Variants in MPP7 observed in about 807,000 individuals in gnomAD.
The protein encoded by MPP7 is MAGUK p55 scaffold protein 7.
Under a neutral mutation model 76.5 loss-of-function variants are expected in MPP7, and 60 were observed. The observed-to-expected ratio is 0.78, with a 90% CI of 0.64 to 0.97. The LOEUF (loss-of-function observed/expected upper bound fraction) is 0.97. Among genes scored for constraint, MPP7 ranks in the 50% least tolerant of loss-of-function variants. The pLI, the probability that MPP7 is intolerant of heterozygous loss-of-function variation, is 0.00. For synonymous variants in MPP7, 237 were observed against 244.5 expected (o/e 0.97, Z 0.29); for missense variants, 641 against 694.0 (o/e 0.92, Z 0.86).
At chr10:28,069,632 C>A in intron 13 of MPP7, 140 bp downstream of exon 13, 4 of 481,498 alleles carry the variant, frequency 8.3e-6, no homozygotes, top group African/African-American at 2.1e-5. Context: ...AAAAAAAACT[C>A]ACATGCCCCA....
At chr10:28,191,634 C>T (rs1837412923) in intron 3 of MPP7, among the ~76,000 whole-genome samples, 2 of 152,272 alleles carry the variant, frequency 1.3e-5, no homozygotes, top group African/African-American at 4.8e-5. Flanking sequence ...TCCCAAAATT[C>T]AAAACAATCT....
chr10:28,088,789 A>C (rs766965239), intron 12 of MPP7, among the ~76,000 whole-genome samples: 3 of 152,242 alleles, frequency 2.0e-5, no homozygotes, highest in Non-Finnish European at 4.4e-5. Flanking sequence ...GGCTACTCAC[A>C]TCTGTGAAGG....
chr10:28,196,605 AG>A (rs1837591319), intron 3 of MPP7, among the ~76,000 whole-genome samples: 1 of 152,198 alleles, frequency 6.6e-6, no homozygotes, highest in Non-Finnish European at 1.5e-5. Context: ...AAAATATATA[AG>A]AACTGGTACC....
chr10:28,145,378 T>A (rs911255915), intron 5 of MPP7, among the ~76,000 whole-genome samples: 2 of 152,210 alleles, frequency 1.3e-5, no homozygotes, highest in African/African-American at 4.8e-5. Context: ...AGAGTTACAT[T>A]TTTCATATTT....
chr10:28,162,748 G>T (rs2133828580), intron 3 of MPP7, among the ~76,000 whole-genome samples: 1 of 152,276 alleles, frequency 6.6e-6, no homozygotes, highest in Non-Finnish European at 1.5e-5. Flanking sequence ...CTAATGAATT[G>T]AAATATTCAG....
At chr10:28,260,504 T>A (rs919381191) in intron 1 of MPP7, among the ~76,000 whole-genome samples, 1 of 152,106 alleles carries the variant, frequency 6.6e-6, no homozygotes, top group Admixed American at 6.6e-5. Context: ...CCAGGCATGG[T>A]GGCTCATGCC....
At chr10:28,302,613 G>A (rs1841187052) in intron 1 of MPP7, among the ~76,000 whole-genome samples, 1 of 151,870 alleles carries the variant, frequency 6.6e-6, no homozygotes, top group African/African-American at 2.4e-5. Flanking sequence ...CGTCAACAGG[G>A]GTCTCCAGGG....
intron 1 of MPP7, among the ~76,000 whole-genome samples, chr10:28,273,714 T>C (rs1044003009): frequency 2.0e-5 from 3 of 152,236 alleles, no homozygotes; most frequent in African/African-American, 7.2e-5. Context: ...TTTCCTCTTC[T>C]TTGCAGAACG....
chr10:28,211,290 T>G (rs760679275), intron 2 of MPP7, among the ~76,000 whole-genome samples: 1 of 152,118 alleles, frequency 6.6e-6, no homozygotes, highest in Non-Finnish European at 1.5e-5. Flanking sequence ...TAAAGGTATA[T>G]GTGCTTTTCC....
chr10:28,103,774 T>C (rs545758902), intron 11 of MPP7, among the ~76,000 whole-genome samples: 1 of 152,172 alleles, frequency 6.6e-6, no homozygotes, highest in South Asian at 2.1e-4. Flanking sequence ...AATAGCATTA[T>C]AAGAAAGTTA....
chr10:28,262,185 TTATATATATATATATATATATACA>T (rs1280731985), intron 1 of MPP7, among the ~76,000 whole-genome samples: 1 of 60,182 alleles, frequency 1.7e-5, no homozygotes, highest in African/African-American at 7.2e-5. Flanking sequence ...AATAAATAAA[TTATATATATATATATATATATACA>T]TATATATATA....
intron 1 of MPP7, among the ~76,000 whole-genome samples, chr10:28,276,893 G>A (rs1840517475): frequency 1.3e-5 from 2 of 151,960 alleles, no homozygotes; most frequent in African/African-American, 4.8e-5. Context: ...CATATTCTCT[G>A]ATTTAAAACC....
At chr10:28,108,933 G>A (rs1303812752) in intron 11 of MPP7, among the ~76,000 whole-genome samples, 1 of 151,980 alleles carries the variant, frequency 6.6e-6, no homozygotes, top group Non-Finnish European at 1.5e-5. Context: ...TTATATTTGG[G>A]GCTGTTCAGT....
In MPP7 at chr10:28,262,204, TATAC is replaced by T. The variant is rs1390755832; in HGVS notation, c.-131-23473_-131-23470del. Among the ~76,000 whole-genome samples, 30 of 6,800 alleles carry T rather than the reference TATAC, an allele frequency of 4.4e-3. 1 individual carries two copies. Among genetic ancestry groups the T allele is most frequent in the African/African-American group, 8.6e-3 (28 of 3,266 alleles). 4.5% of individuals were successfully genotyped at this position (6,800 alleles called of 152,430 possible). On this transcript the variant is annotated intron_variant, in intron 1 of 16. Transcript: ENST00000683449. Reference sequence around the variant, plus strand: ...AATAAATTATATATATATATATATATATACATATATATATATATATACATATATA... The same window carrying T: ...AATAAATTATATATATATATATATATATATATATATATATATACATATATA...
intron 12 of MPP7, among the ~76,000 whole-genome samples, chr10:28,086,573 T>C (rs1370037858): frequency 3.3e-5 from 5 of 152,140 alleles, no homozygotes; most frequent in Non-Finnish European, 7.3e-5. Flanking sequence ...TGGCTGACAA[T>C]AGAATGTGGT....
At position 28,190,272 on chromosome 10, in the gene MPP7, C is replaced by CA. The variant is rs140111340; in HGVS notation, c.156+11880dup. Among the ~76,000 whole-genome samples, 764 of 145,096 alleles carry CA rather than the reference C, an allele frequency of 5.3e-3. 3 individuals carry two copies. Among genetic ancestry groups the CA allele is most frequent in the African/African-American group, 0.016 (652 of 39,808 alleles). ...GTCAGTAATTGACAGATCCGGCAGG[C>CA]AAAAAAAAAAATCTGTAAGGATATA... On this transcript the variant is annotated intron_variant, in intron 3 of 16. Transcript: ENST00000683449.
At chr10:28,171,949 C>T (rs1465359425) in intron 3 of MPP7, among the ~76,000 whole-genome samples, 2 of 152,170 alleles carry the variant, frequency 1.3e-5, no homozygotes, top group African/African-American at 2.4e-5. Context: ...TAAGCAGCTC[C>T]ACTATCCCCC....
At chr10:28,220,754 T>C (rs1257485617) in intron 2 of MPP7, among the ~76,000 whole-genome samples, 1 of 152,182 alleles carries the variant, frequency 6.6e-6, no homozygotes, top group Non-Finnish European at 1.5e-5. Flanking sequence ...AGGTAGGCTT[T>C]TCTCCTAGAG....
In MPP7 at chr10:28,237,700, A is replaced by C. The variant is rs79184879; in HGVS notation, c.37+868T>G. ...CTCAGCTGGTTTGAGAGCTATATCAACCAAATTCAGGATGGCCCATATAAA... is the reference window on the plus strand; with the variant it reads ...CTCAGCTGGTTTGAGAGCTATATCACCCAAATTCAGGATGGCCCATATAAA... On this transcript the variant is annotated intron_variant, in intron 2 of 16. Coordinates refer to ENST00000683449, the MANE Select transcript of MPP7 (RefSeq NM_001318170.2). Among the ~76,000 whole-genome samples, 1,506 of 152,336 alleles carry C rather than the reference A, an allele frequency of 9.9e-3. 25 individuals carry two copies. Among genetic ancestry groups the C allele is most frequent in the East Asian group, 0.065 (338 of 5,186 alleles).
Sources: gnomAD v4.1 joint callset for allele counts (sites outside exome capture counted in the v4.1 genomes callset) on GRCh38, gnomAD v4.1.1 for gene constraint, MANE v1.5 for transcripts, NCBI Gene and HGNC (gene_info 2026-07-23, HGNC 2026-07-21) for gene names.